TTC4: variants seen among roughly 807,000 people sequenced by gnomAD.
The protein encoded by TTC4 is tetratricopeptide repeat domain 4, also known as hsp70/Hsp90 co-chaperone CNS1 homolog.
In TTC4, 36 loss-of-function variants were observed where a neutral mutation model predicts 51.9. The ratio of observed to expected loss-of-function variants is 0.69; its 90% CI spans 0.53 to 0.92. The LOEUF (loss-of-function observed/expected upper bound fraction) is 0.92. Ranked by LOEUF, TTC4 falls within the 40% of genes least tolerant of loss-of-function variation. TTC4 has a pLI of 0.00. For missense variants in TTC4, 399 were observed against 454.6 expected, an observed-to-expected ratio of 0.88 and a Z score of 1.11; for synonymous variants, 144 against 164.2, an observed-to-expected ratio of 0.88 and a Z score of 0.94.
intron 2 of TTC4, 74 bp from the exon 3 acceptor site, chr1:54,717,418 C>A: frequency 2.2e-6 from 3 of 1,339,172 alleles, no homozygotes; most frequent in Non-Finnish European, 9.8e-7. Context: ...TACATTATTA[C>A]ATGATTTAGA....
Position 54,736,246 on chromosome 1 carries a change from G to GT in TTC4, c.979-1336_979-1335insT, listed in dbSNP as rs1428389334. Among the ~76,000 whole-genome samples the GT allele has an allele frequency of 9.5e-3, 1,349 of 141,744 alleles. 104 individuals carry two copies. The highest frequency in any genetic ancestry group is 0.026 in the African/African-American group (874 of 33,622). The allele number at this position is 141,744 out of a possible 152,430, so 93.0% of individuals were successfully genotyped here. On this transcript the variant is annotated intron_variant, in intron 8 of 9. Transcript: ENST00000371281. ...AGAAGAGGAGAGGAGAGAGAAGAGA[G>GT]GAGAGAGGAGAGAGAGAGAGAGAGA...
intron 2 of TTC4, 75 bp downstream of exon 2, chr1:54,716,792 T>C (rs1002823548): frequency 1.2e-5 from 15 of 1,206,092 alleles, no homozygotes; most frequent in African/African-American, 3.0e-5. Flanking sequence ...AGCGTTCTGA[T>C]TGATAACAAG....
chr1:54,724,163 C>T (rs1645774797), intron 5 of TTC4, among the ~76,000 whole-genome samples: 1 of 152,176 alleles, frequency 6.6e-6, no homozygotes, highest in African/African-American at 2.4e-5. Context: ...ATTCTGGGTT[C>T]CTATGTGCTT....
intron 3 of TTC4, among the ~76,000 whole-genome samples, chr1:54,718,541 C>T (rs1238617640): frequency 1.3e-5 from 2 of 151,912 alleles, no homozygotes; most frequent in African/African-American, 4.8e-5. Context: ...GCCACCGCAC[C>T]CAGGAGATTG....
chr1:54,729,556 T>G (rs901607783), intron 6 of TTC4, among the ~76,000 whole-genome samples: 1 of 152,172 alleles, frequency 6.6e-6, no homozygotes, highest in African/African-American at 2.4e-5. Flanking sequence ...GTTGTTCCTA[T>G]AACAACAACA....
In TTC4 at chr1:54,742,209, T is replaced by G. The variant is rs979079385; in HGVS notation, c.*696T>G. 1.3e-5 allele frequency: 2 copies of G among 152,258 alleles called. No individual in the cohort carries two copies. Among genetic ancestry groups the G allele is most frequent in the Non-Finnish European group, 2.9e-5 (2 of 68,076 alleles). The allele number at this position is 152,258 out of a possible 1,614,324, so 9.4% of individuals were successfully genotyped here. Reference sequence around the variant, plus strand: ...TTTGACATTTAGGATTTTGTGTCTTTTAAACTGGAAAATCTTCTAGCATGT... The same window carrying G: ...TTTGACATTTAGGATTTTGTGTCTTGTAAACTGGAAAATCTTCTAGCATGT... On this transcript the variant is annotated 3_prime_UTR_variant, in exon 10 of 10. Coordinates refer to ENST00000371281, the MANE Select transcript of TTC4 (RefSeq NM_004623.5).
intron 5 of TTC4, among the ~76,000 whole-genome samples, chr1:54,723,204 CT>C (rs1296552203): frequency 2.6e-5 from 4 of 152,174 alleles, no homozygotes; most frequent in Admixed American, 2.0e-4. Context: ...AGGTTTGTAG[CT>C]TGGGTGCAAT....
At position 54,736,011 on chromosome 1, in the gene TTC4, G is replaced by A. The variant is rs560538127; in HGVS notation, c.979-1571G>A. ...GGAATTAGCTATTTTTTCCCAAGAA[G>A]CCCTGGTTCTTTCTAGTGAAGAATG... On this transcript the variant is annotated intron_variant, in intron 8 of 9. Transcript: ENST00000371281. 7.2e-5 allele frequency among the ~76,000 whole-genome samples: 11 copies of A among 152,212 alleles called. No individual in the cohort carries two copies. The South Asian group carries it at 2.3e-3, about 32-fold the overall frequency.
intron 6 of TTC4, among the ~76,000 whole-genome samples, chr1:54,730,375 G>A (rs1003832611): frequency 1.3e-5 from 2 of 149,762 alleles, no homozygotes; most frequent in Non-Finnish European, 2.9e-5. Context: ...ACGAAGCCAT[G>A]CATGCTGTAT....
At chr1:54,716,151 A>C (rs781155738) in intron 1 of TTC4, 132 bp downstream of exon 1, 5 of 760,488 alleles carry the variant, frequency 6.6e-6, no homozygotes, top group Non-Finnish European at 1.1e-5. Context: ...CTAGTTGAGT[A>C]TTGAAAATCG....
intron 1 of TTC4, 62 bp from the exon 2 acceptor site, chr1:54,716,538 A>T (rs1645678320): frequency 1.5e-6 from 2 of 1,342,752 alleles, no homozygotes; most frequent in Middle Eastern, 3.7e-4. Context: ...GTAATGAGTC[A>T]TGGAATTGGA....
Position 54,717,493 on chromosome 1 carries a change from A to G in TTC4, c.231A>G (p.Glu77=). 1 of 1,540,172 alleles carries G rather than the reference A, an allele frequency of 6.5e-7. No homozygotes were observed. Among genetic ancestry groups the G allele is most frequent in the South Asian group, 1.3e-5 (1 of 76,938 alleles). ...GATTATTTTTCCTCTTCTTTGCAGAACAGGCCAAGACCTATAAAGATGAGG... is the reference window on the plus strand; with the variant it reads ...GATTATTTTTCCTCTTCTTTGCAGAGCAGGCCAAGACCTATAAAGATGAGG... The part of the protein sequence containing the change: ...IIFDEERSPE[E]QAKTYKDEGN... Residue 77 remains glutamate (E), a splice_region_variant and synonymous_variant, in exon 3 of 10, where the codon GAA becomes GAG. Coordinates refer to ENST00000371281, the MANE Select transcript of TTC4 (RefSeq NM_004623.5).
chr1:54,728,268 A>G (rs538760691), intron 5 of TTC4, 78 bp from the exon 6 acceptor site: 27 of 1,332,116 alleles, frequency 2.0e-5, no homozygotes, highest in East Asian at 1.8e-4. Context: ...GGCCAGAGAT[A>G]ATAATTTAGG....
rs992873273 is a variant in TTC4, at chr1:54,741,813, T to C, written c.*300T>C. ...ACAGCAACTGACCTGAGCGGCACCC[T>C]GGTCTGTGGAGATGGACTCAGGATC... On this transcript the variant is annotated 3_prime_UTR_variant, in exon 10 of 10. Transcript: ENST00000371281. 8.9e-5 allele frequency: 36 copies of C among 403,738 alleles called. No individual in the cohort carries two copies. The highest frequency in any genetic ancestry group is 1.6e-4 in the Admixed American group (4 of 24,774). The allele number at this position is 403,738 out of a possible 1,614,324, so 25.0% of individuals were successfully genotyped here.
chr1:54,719,488 G>A, intron 3 of TTC4, among the ~76,000 whole-genome samples: 1 of 126,792 alleles, frequency 7.9e-6, no homozygotes, highest in South Asian at 3.1e-4. Context: ...TGAGTTAAAT[G>A]TATGTGTTCA....
chr1:54,737,422 G>A (rs1438173767), intron 8 of TTC4, 160 bp from the exon 9 acceptor site: 2 of 588,584 alleles, frequency 3.4e-6, no homozygotes, highest in African/African-American at 1.9e-5. Context: ...CAGTGGCATG[G>A]CGGGGGGGTA....
intron 3 of TTC4, among the ~76,000 whole-genome samples, chr1:54,720,009 C>T (rs1645724044): frequency 6.6e-6 from 1 of 151,796 alleles, no homozygotes; most frequent in Non-Finnish European, 1.5e-5. Flanking sequence ...AGCAATTCTC[C>T]CACTTCTGCC....
intron 5 of TTC4, among the ~76,000 whole-genome samples, chr1:54,724,268 CTT>C (rs200907562): frequency 2.1e-5 from 3 of 145,160 alleles, no homozygotes; most frequent in Non-Finnish European, 1.5e-5. Flanking sequence ...AGCTTTTTTT[CTT>C]TTTTTTTTTT....
chr1:54,721,974 C>T (rs556841408), intron 4 of TTC4, among the ~76,000 whole-genome samples: 1 of 152,268 alleles, frequency 6.6e-6, no homozygotes, highest in African/African-American at 2.4e-5. Flanking sequence ...ACAATGTGAC[C>T]TTGGCAAGAC....
Sources: allele counts gnomAD v4.1 joint callset (sites outside exome capture counted in the v4.1 genomes callset), GRCh38; gene constraint gnomAD v4.1.1; transcripts MANE v1.5; gene names NCBI Gene and HGNC (gene_info 2026-07-23, HGNC 2026-07-21).